HMGXB3: variants seen among roughly 807,000 people sequenced by gnomAD.
HMGXB3 encodes HMG domain-containing protein 3.
In HMGXB3, 45 loss-of-function variants were observed where a neutral mutation model predicts 121.5. The ratio of observed to expected loss-of-function variants is 0.37; its 90% CI spans 0.29 to 0.47. The LOEUF is 0.47. Among genes scored for constraint, HMGXB3 ranks in the 20% least tolerant of loss-of-function variants. The probability of loss-of-function intolerance (pLI) is 0.99; values close to 1 mark genes in which losing one functional copy is unlikely to be tolerated. For missense variants in HMGXB3, 1,376 were observed against 1,602.2 expected, an observed-to-expected ratio of 0.86 and a Z score of 2.41; for synonymous variants, 590 against 624.1, an observed-to-expected ratio of 0.95 and a Z score of 0.81.
intron 1 of HMGXB3, among the ~76,000 whole-genome samples, chr5:150,002,318 C>T (rs1403829195): frequency 6.6e-6 from 1 of 152,158 alleles, no homozygotes; most frequent in African/African-American, 2.4e-5. Flanking sequence ...CTAGGAGCCA[C>T]TGGGTTCATC....
chr5:150,040,745 C>T lies in HMGXB3; in HGVS notation c.2414-3C>T. The T allele has an allele frequency of 2.6e-6, 4 of 1,549,782 alleles. No individual in the cohort carries two copies. Among genetic ancestry groups the T allele is most frequent in the Non-Finnish European group, 3.5e-6 (4 of 1,146,402 alleles). ...TTCCTTGTTGCCTCTTCTTAACCTG[C>T]AGGTCTCTTTAATGTGGGGAACAAG... On this transcript the variant is annotated splice_polypyrimidine_tract_variant and splice_region_variant and intron_variant, in intron 13 of 19. Transcript: ENST00000502717.
At chr5:150,033,664 T>C (rs899220226) in intron 11 of HMGXB3, among the ~76,000 whole-genome samples, 2 of 152,168 alleles carry the variant, frequency 1.3e-5, no homozygotes, top group African/African-American at 4.8e-5. Flanking sequence ...AGTGGGGTCC[T>C]ACTGAATGTC....
At chr5:150,022,321 T>C (rs1056430897) in intron 6 of HMGXB3, among the ~76,000 whole-genome samples, 3 of 152,214 alleles carry the variant, frequency 2.0e-5, no homozygotes, top group Admixed American at 6.5e-5. Flanking sequence ...CTAGAGTTCA[T>C]ACTGGCTAAA....
In HMGXB3 at chr5:150,051,792, T is replaced by A; in HGVS notation, c.3479T>A (p.Ile1160Asn). 3 of 1,546,638 alleles carry A rather than the reference T, an allele frequency of 1.9e-6. No individual in the cohort carries two copies. Among genetic ancestry groups the A allele is most frequent in the Non-Finnish European group, 2.6e-6 (3 of 1,147,090 alleles). The change falls in exon 20 of 20, where the codon ATC (isoleucine) becomes AAC (asparagine). Residue 1160 changes from isoleucine to asparagine, a missense_variant. Transcript: ENST00000502717. Reference protein sequence around the residue: ...TVDMTETEHSIQHPVTKTATR... With the variant: ...TVDMTETEHSNQHPVTKTATR... ...GACATGACAGAAACTGAGCACTCTA[T>A]CCAGCACCCAGTCACCAAGACTGCC...
At chr5:150,009,773 G>C (rs1447685094) in intron 3 of HMGXB3, among the ~76,000 whole-genome samples, 1 of 152,210 alleles carries the variant, frequency 6.6e-6, no homozygotes, top group Non-Finnish European at 1.5e-5. Context: ...TGAGGCCTCA[G>C]GAGGGGAAAG....
Position 150,036,896 on chromosome 5 carries a change from G to T in HMGXB3, c.2244G>T (p.Gln748His). The change falls in exon 12 of 20, where the codon CAG becomes CAT. Residue 748 changes from glutamine to histidine, a missense_variant. This residue lies in a region of HMGXB3 where 1,116 missense variants were observed against 1,369.0 expected (regional missense o/e 0.82). Transcript: ENST00000502717. ...ATTATTATGAGTCTCCGTCCACGCA[G>T]TGCCTTCTCTGTAGCAGCCCATTAT... ...WSNYYESPST[Q>H]CLLCSSPLFK... 7.7e-6 allele frequency: 12 copies of T among 1,551,660 alleles called. No homozygotes were observed. Among genetic ancestry groups the T allele is most frequent in the Non-Finnish European group, 1.0e-5 (12 of 1,146,992 alleles).
intron 3 of HMGXB3, among the ~76,000 whole-genome samples, chr5:150,007,311 G>A (rs986557157): frequency 2.6e-5 from 4 of 152,298 alleles, no homozygotes; most frequent in African/African-American, 7.2e-5. Context: ...TATTTAAACT[G>A]CTGGGTTTTT....
chr5:150,015,064 C>A, intron 5 of HMGXB3: 1 of 427,838 alleles, frequency 2.3e-6, no homozygotes, highest in Admixed American at 4.5e-5. Flanking sequence ...AAGTTAGTAA[C>A]AAAAGCCAAA....
intron 3 of HMGXB3, among the ~76,000 whole-genome samples, chr5:150,007,389 G>A (rs1755726420): frequency 6.6e-6 from 1 of 152,176 alleles, no homozygotes; most frequent in African/African-American, 2.4e-5. Flanking sequence ...CCTGCAGGAA[G>A]AATAACCTTG....
chr5:150,004,700 A>G (rs534141289), intron 1 of HMGXB3, among the ~76,000 whole-genome samples, 151 bp from the exon 2 acceptor site: 1 of 152,210 alleles, frequency 6.6e-6, no homozygotes, highest in Non-Finnish European at 1.5e-5. Flanking sequence ...TGTGTTAAAC[A>G]ACCAAGCCAG....
intron 7 of HMGXB3, among the ~76,000 whole-genome samples, chr5:150,025,875 G>C (rs913509245): frequency 6.7e-6 from 1 of 150,184 alleles, no homozygotes; most frequent in Non-Finnish European, 1.5e-5. Context: ...TCGCTCTGTC[G>C]CCCAGGCTGG....
chr5:150,052,105 C>G lies in HMGXB3; in HGVS notation c.3792C>G (p.Asp1264Glu), dbSNP rs1756923978. Residue 1264 changes from aspartate to glutamate, a missense_variant, in exon 20 of 20, where the codon GAC becomes GAG. This residue lies in a region of HMGXB3 where 260 missense variants were observed against 233.2 expected (regional missense o/e 1.11). Transcript: ENST00000502717. The stretch of plus-strand genomic sequence containing the variant: ...AGCCTGGTGAGGTGGTCATTCGTGA[C>G]ACCCTCTACCGCCTTGGGGTTGCTC... The part of the protein sequence containing the change: ...SCQPGEVVIR[D>E]TLYRLGVAQI... The G allele has an allele frequency of 6.4e-7, 1 of 1,551,772 alleles. No individual in the cohort carries two copies. The highest frequency in any genetic ancestry group is 8.7e-7 in the Non-Finnish European group (1 of 1,147,038).
rs1581261519 is a variant in HMGXB3 at position 150,036,095 on chromosome 5, A to G, written c.1984-541A>G. Among the ~76,000 whole-genome samples, 3 of 152,206 alleles carry G rather than the reference A, an allele frequency of 2.0e-5. No homozygotes were observed. The East Asian group carries it at 5.8e-4, about 29-fold the overall frequency. Reference sequence around the variant, plus strand: ...AAATTGCCTTGGGTCCCACATACACAGCTGTTAAGTGGCATATCCAGAACT... The same window carrying G: ...AAATTGCCTTGGGTCCCACATACACGGCTGTTAAGTGGCATATCCAGAACT... On this transcript the variant is annotated intron_variant, in intron 11 of 19. Coordinates refer to ENST00000502717, the MANE Select transcript of HMGXB3 (RefSeq NM_014983.3).
chr5:150,045,794 G>A (rs1756741565), intron 16 of HMGXB3, 109 bp downstream of exon 16: 1 of 775,604 alleles, frequency 1.3e-6, no homozygotes, highest in South Asian at 1.7e-5. Flanking sequence ...AGGCCCCGCT[G>A]CAGGACTCCT....
chr5:150,002,516 C>T (rs1242810793), intron 1 of HMGXB3, among the ~76,000 whole-genome samples: 1 of 152,222 alleles, frequency 6.6e-6, no homozygotes, highest in East Asian at 1.9e-4. Flanking sequence ...ACCACCACAA[C>T]TGCCTCTTCC....
At chr5:150,005,049 G>T in intron 2 of HMGXB3, 60 bp downstream of exon 2, 1 of 1,506,220 alleles carries the variant, frequency 6.6e-7, no homozygotes, top group Non-Finnish European at 8.8e-7. Context: ...TTGGAGAGCT[G>T]CATTGAGGAA....
chr5:150,032,459 G>T lies in HMGXB3; in HGVS notation c.1839G>T (p.Leu613Phe). Residue 613 changes from leucine (L) to phenylalanine (F), a missense_variant, in exon 11 of 20, where the codon TTG becomes TTT. By Grantham distance (22) the Leu-to-Phe change is conservative. This residue lies in a region of HMGXB3 where 1,116 missense variants were observed against 1,369.0 expected (regional missense o/e 0.82). Transcript: ENST00000502717. ...CACTGGTCTTACTTTTTTAGGATTTGGGCCTGGCTACATCAAGAGGCCGGG... is the reference window on the plus strand; with the variant it reads ...CACTGGTCTTACTTTTTTAGGATTTTGGCCTGGCTACATCAAGAGGCCGGG... Reference protein sequence around the residue: ...YKYSCTVTLDLGLATSRGRGK... With the variant: ...YKYSCTVTLDFGLATSRGRGK... 1 of 1,550,876 alleles carries T rather than the reference G, an allele frequency of 6.4e-7. No individual in the cohort carries two copies. Among genetic ancestry groups the T allele is most frequent in the Non-Finnish European group, 8.7e-7 (1 of 1,146,650 alleles).
chr5:150,015,077 G>A (rs1325253392), intron 5 of HMGXB3: 2 of 408,352 alleles, frequency 4.9e-6, no homozygotes, highest in Non-Finnish European at 8.8e-6. Context: ...AAGCCAAAGG[G>A]GGACAGATAT....
At chr5:150,011,535 C>G (rs1755836903) in intron 4 of HMGXB3, among the ~76,000 whole-genome samples, 1 of 151,804 alleles carries the variant, frequency 6.6e-6, no homozygotes, top group African/African-American at 2.4e-5. Flanking sequence ...TATTTGTTGC[C>G]TCAGTGCTGT....
Sources: gnomAD v4.1 joint callset for allele counts (sites outside exome capture counted in the v4.1 genomes callset) on GRCh38, gnomAD v4.1.1 for gene constraint, gnomAD v4.1.1 regional missense constraint, MANE v1.5 for transcripts, NCBI Gene and HGNC (gene_info 2026-07-23, HGNC 2026-07-21) for gene names.